The following SLC24A3 variants were observed in gnomAD, a reference collection of about 807,000 sequenced individuals.
The protein encoded by SLC24A3 is sodium/potassium/calcium exchanger 3.
A neutral mutation model predicts 75.8 loss-of-function variants in SLC24A3; 28 were observed. The observed-to-expected ratio is 0.37, with a 90% confidence interval of 0.27 to 0.51. SLC24A3 has a LOEUF of 0.51. SLC24A3 is among the 20% of genes least tolerant of loss of function. The pLI is 0.94. For synonymous variants in SLC24A3, 372 were observed against 334.1 expected (o/e 1.11, Z -1.24); for missense variants, 663 against 847.8 (o/e 0.78, Z 2.71).
At chr20:19,236,067 A>G (rs929598739) in intron 1 of SLC24A3, among the ~76,000 whole-genome samples, 2 of 152,240 alleles carry the variant, frequency 1.3e-5, no homozygotes, top group South Asian at 2.1e-4. Context: ...CTCATGGCGA[A>G]CTTTTCTGTT....
intron 2 of SLC24A3, among the ~76,000 whole-genome samples, chr20:19,456,318 G>A (rs1454681502): frequency 6.6e-6 from 1 of 152,146 alleles, no homozygotes; most frequent in Non-Finnish European, 1.5e-5. Context: ...TTGTGGGAGG[G>A]ACCTGGGGAG....
chr20:19,238,498 G>A (rs1982233152), intron 1 of SLC24A3, among the ~76,000 whole-genome samples: 1 of 152,190 alleles, frequency 6.6e-6, no homozygotes, highest in Non-Finnish European at 1.5e-5. Flanking sequence ...GGCAGGGTCT[G>A]AGGGGATGCT....
At chr20:19,285,206 G>A (rs769701190) in intron 2 of SLC24A3, among the ~76,000 whole-genome samples, 4 of 152,106 alleles carry the variant, frequency 2.6e-5, no homozygotes, top group Non-Finnish European at 4.4e-5. Context: ...CACTGGGCGC[G>A]GTGACTCACG....
intron 6 of SLC24A3, among the ~76,000 whole-genome samples, chr20:19,615,955 G>T (rs1031280819): frequency 6.6e-6 from 1 of 152,122 alleles, no homozygotes; most frequent in Non-Finnish European, 1.5e-5. Context: ...GACAGCCTAT[G>T]GTGGGACTTC....
chr20:19,440,650 T>G (rs951373353), intron 2 of SLC24A3, among the ~76,000 whole-genome samples: 157 of 116,546 alleles, frequency 1.3e-3, no homozygotes, highest in Non-Finnish European at 2.0e-3. Context: ...TCACTGTTTT[T>G]TTTTTTTTTT....
intron 16 of SLC24A3, among the ~76,000 whole-genome samples, chr20:19,720,446 A>T (rs191386761): frequency 8.5e-5 from 13 of 152,324 alleles, no homozygotes; most frequent in African/African-American, 3.1e-4. Flanking sequence ...AGGCAGAACC[A>T]AGAGGAACTG....
At chr20:19,266,031 A>C (rs1021832141) in intron 1 of SLC24A3, 4 of 152,678 alleles carry the variant, frequency 2.6e-5, no homozygotes, top group Admixed American at 2.6e-4. Context: ...GATTCTAACC[A>C]AGGGAGAGGG....
intron 1 of SLC24A3, among the ~76,000 whole-genome samples, chr20:19,277,409 G>A (rs997120910): frequency 3.3e-5 from 5 of 152,304 alleles, no homozygotes; most frequent in Admixed American, 6.5e-5. Context: ...CTGATCTTAG[G>A]CAAATTGCTT....
chr20:19,248,637 C>T (rs1056446766), intron 1 of SLC24A3, among the ~76,000 whole-genome samples: 3 of 152,096 alleles, frequency 2.0e-5, no homozygotes, highest in African/African-American at 7.2e-5. Flanking sequence ...TCCAGCAGCT[C>T]CACTTCTGGG....
intron 6 of SLC24A3, among the ~76,000 whole-genome samples, chr20:19,634,029 A>G (rs1373116192): frequency 6.6e-6 from 1 of 152,198 alleles, no homozygotes; most frequent in Non-Finnish European, 1.5e-5. Context: ...TTTATAAGAA[A>G]AAAAATTCTT....
At chr20:19,478,742 C>A (rs1988002853) in intron 2 of SLC24A3, among the ~76,000 whole-genome samples, 1 of 152,172 alleles carries the variant, frequency 6.6e-6, no homozygotes, top group Non-Finnish European at 1.5e-5. Flanking sequence ...TAAGTCGAGG[C>A]TCACCAGGCC....
At chr20:19,679,552 A>ACCGT (rs1568695488) in intron 9 of SLC24A3, among the ~76,000 whole-genome samples, 2 of 99,350 alleles carry the variant, frequency 2.0e-5, no homozygotes, top group Admixed American at 2.0e-4. Flanking sequence ...GGAGAGGGAG[A>ACCGT]GGGAGAGGGA....
chr20:19,347,027 T>C (rs1985445100), intron 2 of SLC24A3, among the ~76,000 whole-genome samples: 7 of 152,320 alleles, frequency 4.6e-5, no homozygotes, highest in Admixed American at 4.6e-4. Flanking sequence ...TGGAATGTTA[T>C]TCAGTGATAT....
intron 13 of SLC24A3, chr20:19,696,200 G>A (rs1387400781): frequency 6.6e-6 from 1 of 151,988 alleles, no homozygotes; most frequent in African/African-American, 2.4e-5. Context: ...AAAATTTTTT[G>A]TGGAGACAAG....
chr20:19,530,642 A>T (rs1256172288), intron 3 of SLC24A3, among the ~76,000 whole-genome samples: 1 of 152,228 alleles, frequency 6.6e-6, no homozygotes. Context: ...TTTATATAGT[A>T]AAAGAGGAAG....
At position 19,418,966 on chromosome 20, in the gene SLC24A3, T is replaced by G. The variant is rs959284056; in HGVS notation, c.272-96522T>G. Among the ~76,000 whole-genome samples, 7 of 152,260 alleles carry G rather than the reference T, an allele frequency of 4.6e-5. No homozygotes were observed. The South Asian group carries it at 1.5e-3, about 32-fold the overall frequency. On this transcript the variant is annotated intron_variant, in intron 2 of 16. Coordinates refer to ENST00000328041, the MANE Select transcript of SLC24A3 (RefSeq NM_020689.4). Reference sequence around the variant, plus strand: ...GTTTCAAACCACGAGTCTATTATGATGCCTAAAAAAAGAAGTCATTGGCCA... The same window carrying G: ...GTTTCAAACCACGAGTCTATTATGAGGCCTAAAAAAAGAAGTCATTGGCCA...
chr20:19,379,467 G>T (rs923149308), intron 2 of SLC24A3, among the ~76,000 whole-genome samples: 7 of 152,142 alleles, frequency 4.6e-5, no homozygotes, highest in African/African-American at 1.2e-4. Flanking sequence ...GAATGAGGGG[G>T]TTTGATAAGC....
chr20:19,660,031 T>A (rs1448807997), intron 7 of SLC24A3, among the ~76,000 whole-genome samples: 5 of 152,226 alleles, frequency 3.3e-5, no homozygotes. Flanking sequence ...GGCAGCTGGC[T>A]GACCTCCAAG....
chr20:19,443,932 T>A (rs77167114), intron 2 of SLC24A3, among the ~76,000 whole-genome samples: 2,701 of 152,228 alleles, frequency 0.018, 75 homozygotes, highest in East Asian at 0.1. Flanking sequence ...TGCTTGAGAG[T>A]TAATAAAGTA....
Sources: gnomAD v4.1 joint callset for allele counts (sites outside exome capture counted in the v4.1 genomes callset) on GRCh38, gnomAD v4.1.1 for gene constraint, MANE v1.5 for transcripts, NCBI Gene and HGNC (gene_info 2026-07-23, HGNC 2026-07-21) for gene names.